Variants in NSD3 observed in about 807,000 individuals in gnomAD.
The protein encoded by NSD3 is nuclear receptor binding SET domain protein 3, also known as histone-lysine N-methyltransferase NSD3.
A neutral mutation model predicts 160.8 loss-of-function variants in NSD3; 24 were observed. That is an observed-to-expected ratio of 0.15 (90% CI 0.11 to 0.21). NSD3 has a LOEUF of 0.21. Among genes scored for constraint, NSD3 ranks in the 10% least tolerant of loss-of-function variants. NSD3 has a pLI of 1.00. For synonymous variants in NSD3, 520 were observed against 600.0 expected, an observed-to-expected ratio of 0.87 and a Z score of 1.95; for missense variants, 1,157 against 1,735.9, an observed-to-expected ratio of 0.67 and a Z score of 5.93.
chr8:38,279,756 A>G, intron 20 of NSD3, 75 bp from the exon 21 acceptor site: 1 of 1,506,710 alleles, frequency 6.6e-7, no homozygotes, highest in East Asian at 2.3e-5. Context: ...GTCAAGGATC[A>G]CAGGCAGCAG....
intron 4 of NSD3, among the ~76,000 whole-genome samples, chr8:38,337,072 G>A (rs1170722997): frequency 3.3e-5 from 5 of 151,454 alleles, no homozygotes; most frequent in Admixed American, 3.3e-4. Flanking sequence ...AACCCAGGAG[G>A]CGGAGGTTGC....
intron 19 of NSD3, among the ~76,000 whole-genome samples, chr8:38,286,413 T>G (rs915480457): frequency 9.9e-5 from 15 of 152,128 alleles, no homozygotes. Context: ...GATCCTTCCC[T>G]AGTCAAGCCA....
At chr8:38,340,015 C>G (rs934726270) in intron 2 of NSD3, among the ~76,000 whole-genome samples, 2 of 151,744 alleles carry the variant, frequency 1.3e-5, no homozygotes, top group Non-Finnish European at 2.9e-5. Context: ...AAAATTGATA[C>G]CAGTAATTAT....
chr8:38,307,123 AAAAAAT>A (rs1304832974), intron 12 of NSD3, among the ~76,000 whole-genome samples: 1 of 139,856 alleles, frequency 7.2e-6, no homozygotes, highest in Non-Finnish European at 1.6e-5. Context: ...TCAAAAAAAA[AAAAAAT>A]AAAATAAAAT....
chr8:38,380,277 A>G (rs534875026), intron 1 of NSD3, among the ~76,000 whole-genome samples: 46 of 152,220 alleles, frequency 3.0e-4, no homozygotes, highest in Non-Finnish European at 5.9e-4. Flanking sequence ...ACTATTTAAA[A>G]ATACATACAT....
At chr8:38,302,916 G>A (rs1386180492) in intron 14 of NSD3, among the ~76,000 whole-genome samples, 2 of 152,168 alleles carry the variant, frequency 1.3e-5, no homozygotes, top group African/African-American at 4.8e-5. Context: ...TTACAGGCGT[G>A]AGCTACTGTG....
At chr8:38,341,525 G>A (rs1302800293) in intron 2 of NSD3, among the ~76,000 whole-genome samples, 5 of 148,684 alleles carry the variant, frequency 3.4e-5, no homozygotes, top group Admixed American at 2.0e-4. Context: ...GTGACAGAGC[G>A]AGACTCCGTC....
chr8:38,315,934 G>A lies in NSD3; in HGVS notation c.1964C>T (p.Ser655Phe). Residue 655 changes from serine to phenylalanine, a missense_variant, in exon 10 of 24, where the codon TCT (serine) becomes TTT (phenylalanine). Coordinates refer to ENST00000317025, the MANE Select transcript of NSD3 (RefSeq NM_023034.2). ...TACCTGCAGGTCACTCAGTCCTCTA[G>A]AATCGGAGTCAGATGTGTCTCTGTA... is the stretch of plus-strand genomic sequence containing the variant. ...SAYRDTSDSD[S>F]RGLSDLQVGF... 6.2e-7 allele frequency: 1 copy of A among 1,613,832 alleles called. No homozygotes were observed. Among genetic ancestry groups the A allele is most frequent in the Non-Finnish European group, 8.5e-7 (1 of 1,179,976 alleles).
chr8:38,347,525 AT>A lies in NSD3; in HGVS notation c.646del (p.Ile216SerfsTer4). On this transcript the variant is annotated frameshift_variant, in exon 2 of 24. Transcript: ENST00000317025. LOFTEE classifies it high-confidence loss of function. ...SRSEERKSHK[I>X]PKLEPEEQNR... ...TTGTTCCTCTGGTTCTAATTTGGGG[AT>A]TTTGTGTGACTTGCGCTCTTCAGAT... 2 of 1,583,588 alleles carry A rather than the reference AT, an allele frequency of 1.3e-6. No individual in the cohort carries two copies. Among genetic ancestry groups the A allele is most frequent in the South Asian group, 1.2e-5 (1 of 85,872 alleles).
chr8:38,334,034 T>A (rs138571365), intron 4 of NSD3, among the ~76,000 whole-genome samples: 144 of 152,368 alleles, frequency 9.5e-4, no homozygotes, highest in Non-Finnish European at 1.2e-3. Context: ...GTATATGTGC[T>A]ATTAAAAAAG....
intron 1 of NSD3, among the ~76,000 whole-genome samples, chr8:38,373,012 T>C (rs1261984387): frequency 2.1e-5 from 3 of 141,838 alleles, no homozygotes; most frequent in Non-Finnish European, 4.5e-5. Flanking sequence ...ATTGCGCCAC[T>C]GGACCTCCAG....
rs1011575021 is a variant in NSD3, at chr8:38,318,821, C to T, written c.1855+74G>A. ...CGATTTACAGAGACAGACAAAAATA[C>T]ATGAAGTACAAATAATTCTTAAAAA... On this transcript the variant is annotated intron_variant, in intron 9 of 23. Coordinates refer to ENST00000317025, the MANE Select transcript of NSD3 (RefSeq NM_023034.2). The surrounding 1 kb of genome is among the most constrained non-coding windows in gnomAD (Gnocchi z 5.3). The T allele has an allele frequency of 3.6e-5, 50 of 1,401,590 alleles. No homozygotes were observed. Among genetic ancestry groups the T allele is most frequent in the Non-Finnish European group, 4.8e-5 (48 of 997,598 alleles). 86.8% of individuals were successfully genotyped at this position (1,401,590 alleles called of 1,614,324 possible). A position where few individuals can be genotyped will look rare whatever the true frequency, so the allele number is the denominator to read the frequency against.
chr8:38,348,950 C>T (rs948145412), intron 1 of NSD3, among the ~76,000 whole-genome samples: 15 of 152,276 alleles, frequency 9.9e-5, no homozygotes, highest in East Asian at 9.7e-4. Context: ...TCAGCCACCA[C>T]GACTGGCCTG....
At chr8:38,357,418 C>T (rs1810852085) in intron 1 of NSD3, among the ~76,000 whole-genome samples, 1 of 152,160 alleles carries the variant, frequency 6.6e-6, no homozygotes, top group Non-Finnish European at 1.5e-5. Context: ...CATTTTTGTA[C>T]TCTAGTAATA....
chr8:38,370,853 T>C (rs1811229797), intron 1 of NSD3, among the ~76,000 whole-genome samples: 1 of 152,126 alleles, frequency 6.6e-6, no homozygotes, highest in Non-Finnish European at 1.5e-5. Context: ...AGAGAACAGT[T>C]TGGAAATATG....
intron 19 of NSD3, among the ~76,000 whole-genome samples, chr8:38,287,633 G>A (rs952241002): frequency 6.6e-6 from 1 of 151,646 alleles, no homozygotes; most frequent in African/African-American, 2.4e-5. Context: ...ACATTAGATG[G>A]CATTTTAAAA....
At chr8:38,301,787 G>A (rs542982608) in intron 14 of NSD3, among the ~76,000 whole-genome samples, 7 of 152,306 alleles carry the variant, frequency 4.6e-5, no homozygotes, top group Admixed American at 4.6e-4. Context: ...TAACTTCTTA[G>A]GGAAACTGTG....
intron 14 of NSD3, chr8:38,303,482 G>A: frequency 7.9e-6 from 6 of 755,440 alleles, no homozygotes; most frequent in Non-Finnish European, 9.7e-6. Context: ...AGAAAGTAGT[G>A]TCTACTACAG....
intron 1 of NSD3, among the ~76,000 whole-genome samples, chr8:38,379,110 GA>G (rs138238262): frequency 2.5e-4 from 36 of 145,164 alleles, no homozygotes; most frequent in Admixed American, 2.7e-4. Flanking sequence ...GGGAAAAAAA[GA>G]AAAAAAAAAG....
Sources: gnomAD v4.1 joint callset for allele counts (sites outside exome capture counted in the v4.1 genomes callset) on GRCh38, gnomAD v4.1.1 for gene constraint, Gnocchi (gnomAD v3.1) non-coding constraint, MANE v1.5 for transcripts, NCBI Gene and HGNC (gene_info 2026-07-23, HGNC 2026-07-21) for gene names.